Variants in HDAC1 observed in about 807,000 individuals in gnomAD.
HDAC1 encodes histone deacetylase 1.
In HDAC1, 18 loss-of-function variants were observed where a neutral mutation model predicts 65.5. The ratio of observed to expected loss-of-function variants is 0.27; its 90% confidence interval spans 0.19 to 0.41. HDAC1 has a LOEUF of 0.41. HDAC1 is among the 10% of genes least tolerant of loss of function. The pLI is 1.00. For missense variants in HDAC1, 373 were observed against 625.2 expected, an observed-to-expected ratio of 0.60 and a Z score of 4.30; for synonymous variants, 211 against 227.9, an observed-to-expected ratio of 0.93 and a Z score of 0.67.
chr1:32,294,124 C>T (rs1405373502), intron 1 of HDAC1, among the ~76,000 whole-genome samples: 1 of 151,692 alleles, frequency 6.6e-6, no homozygotes, highest in Non-Finnish European at 1.5e-5. Context: ...AGGCATGGAT[C>T]CCAAGTTCCT....
At chr1:32,319,592 T>C (rs1426813464) in intron 3 of HDAC1, among the ~76,000 whole-genome samples, 1 of 152,150 alleles carries the variant, frequency 6.6e-6, no homozygotes, top group East Asian at 1.9e-4. Context: ...CCTTTTAGAA[T>C]ATGTACCAAT....
chr1:32,330,327 G>C lies in HDAC1; in HGVS notation c.730-251G>C. 1 of 467,126 alleles carries C rather than the reference G, an allele frequency of 2.1e-6. No homozygotes were observed. The highest frequency in any genetic ancestry group is 3.9e-6 in the Non-Finnish European group (1 of 254,780). 28.9% of individuals were successfully genotyped at this position (467,126 alleles called of 1,614,324 possible). On this transcript the variant is annotated intron_variant, in intron 7 of 13. Coordinates refer to ENST00000373548, the MANE Select transcript of HDAC1 (RefSeq NM_004964.3). The surrounding 1 kb of genome is among the most constrained non-coding windows in gnomAD (Gnocchi z 4.2). ...GGCAACAGAAGAGACTTAGGGAGTT[G>C]AGAGGGAGGCCATTCTAGGTTCAGT...
At chr1:32,293,604 C>G (rs1282641552) in intron 1 of HDAC1, among the ~76,000 whole-genome samples, 1 of 151,768 alleles carries the variant, frequency 6.6e-6, no homozygotes, top group Non-Finnish European at 1.5e-5. Flanking sequence ...CCCATCTCTA[C>G]TAAAAATACA....
chr1:32,295,653 T>C (rs1640759214), intron 1 of HDAC1, among the ~76,000 whole-genome samples: 1 of 152,184 alleles, frequency 6.6e-6, no homozygotes, highest in African/African-American at 2.4e-5. Flanking sequence ...CCTAAACACC[T>C]CCCAAAAGGC....
chr1:32,316,806 A>G, intron 3 of HDAC1, 24 bp downstream of exon 3: 1 of 1,440,910 alleles, frequency 6.9e-7, no homozygotes, highest in Non-Finnish European at 9.8e-7. Flanking sequence ...GTTCCCTCAC[A>G]CTCTGAAGCC....
intron 1 of HDAC1, among the ~76,000 whole-genome samples, chr1:32,297,979 CGG>C (rs1171133796): frequency 1.3e-5 from 2 of 151,526 alleles, no homozygotes; most frequent in Admixed American, 6.6e-5. Context: ...TTAGTAGAGA[CGG>C]GGTTTCACCG....
At chr1:32,312,375 C>G (rs549402662) in intron 2 of HDAC1, among the ~76,000 whole-genome samples, 1 of 151,550 alleles carries the variant, frequency 6.6e-6, no homozygotes, top group South Asian at 2.1e-4. Flanking sequence ...TTTATTTTTT[C>G]TTTGTGATGT....
intron 2 of HDAC1, among the ~76,000 whole-genome samples, chr1:32,313,474 C>T (rs1641018660): frequency 6.6e-6 from 1 of 152,156 alleles, no homozygotes; most frequent in Admixed American, 6.6e-5. Context: ...TAGGCTCAAG[C>T]GATCCTCCAG....
In HDAC1 at chr1:32,330,095, C is replaced by G. The variant is rs908893916; in HGVS notation, c.730-483C>G. 5 of 164,912 alleles carry G rather than the reference C, an allele frequency of 3.0e-5. No homozygotes were observed. Among genetic ancestry groups the G allele is most frequent in the Non-Finnish European group, 6.7e-5 (5 of 74,772 alleles). 10.2% of individuals were successfully genotyped at this position (164,912 alleles called of 1,614,324 possible). ...GTAGTCATTCAGCAAACACTGACTG[C>G]CCACTATGTGCCTAGTATTTAATAA... On this transcript the variant is annotated intron_variant, in intron 7 of 13. Transcript: ENST00000373548. The surrounding 1 kb of genome is among the most constrained non-coding windows in gnomAD (Gnocchi z 4.2).
intron 6 of HDAC1, among the ~76,000 whole-genome samples, chr1:32,328,380 C>T (rs921226460): frequency 6.6e-6 from 1 of 151,700 alleles, no homozygotes; most frequent in Admixed American, 6.6e-5. Flanking sequence ...GGCGTGATCT[C>T]GGTTCACTGC....
intron 2 of HDAC1, among the ~76,000 whole-genome samples, chr1:32,309,201 TG>T (rs1286626661): frequency 6.6e-6 from 1 of 152,222 alleles, no homozygotes; most frequent in Non-Finnish European, 1.5e-5. Flanking sequence ...AGGTAGAACC[TG>T]CTCCTGGCCT....
intron 1 of HDAC1, 148 bp downstream of exon 1, chr1:32,292,366 C>A: frequency 6.7e-7 from 1 of 1,490,582 alleles, no homozygotes. Flanking sequence ...GAAGTCGAGG[C>A]TGAGGGAGGA....
intron 3 of HDAC1, 132 bp downstream of exon 3, chr1:32,316,914 C>A: frequency 1.5e-6 from 1 of 680,162 alleles, no homozygotes. Context: ...CTAAAGGTGC[C>A]AGAGTGCTTT....
chr1:32,296,869 G>A (rs1268636835), intron 1 of HDAC1, among the ~76,000 whole-genome samples: 2 of 152,192 alleles, frequency 1.3e-5, no homozygotes, highest in South Asian at 2.1e-4. Flanking sequence ...GAGACCAGGG[G>A]AGATGGAAAC....
Position 32,331,736 on chromosome 1 carries a change from G to T in HDAC1, c.1149G>T (p.Ala383=). 6.2e-7 allele frequency: 1 copy of T among 1,614,108 alleles called. No homozygotes were observed. Among genetic ancestry groups the T allele is most frequent in the Non-Finnish European group, 8.5e-7 (1 of 1,179,986 alleles). Residue 383 remains alanine, a synonymous_variant, in exon 11 of 14, where the codon GCG becomes GCT. Coordinates refer to ENST00000373548, the MANE Select transcript of HDAC1 (RefSeq NM_004964.3). The surrounding 1 kb of genome is among the most constrained non-coding windows in gnomAD (Gnocchi z 4.2). ...ACGCACCTGGGGTCCAAATGCAGGC[G>T]ATTCCTGAGGACGCCATCCCTGAGG... ...LPHAPGVQMQ[A]IPEDAIPEES...
chr1:32,303,263 G>A (rs1412085722), intron 2 of HDAC1, among the ~76,000 whole-genome samples: 2 of 152,010 alleles, frequency 1.3e-5, no homozygotes, highest in Non-Finnish European at 2.9e-5. Context: ...CCAGGAGTTC[G>A]AGACCATCCG....
At chr1:32,320,899 C>CAAA (rs1160071616) in intron 3 of HDAC1, among the ~76,000 whole-genome samples, 23 of 23,344 alleles carry the variant, frequency 9.9e-4, no homozygotes, top group East Asian at 1.9e-3. Flanking sequence ...GACTCCATCT[C>CAAA]AAAAAAAAAA....
rs1570040334 is a variant in HDAC1, at chr1:32,329,727, A to C, written c.729+567A>C. On this transcript the variant is annotated intron_variant, in intron 7 of 13. Transcript: ENST00000373548. This position sits in a 1 kb window ranked among gnomAD's most constrained non-coding sequence, Gnocchi z 4.1. ...GTGTTTTTGAGGGATGATCAGAGGA[A>C]TGAGAGACAAACTACTGCCTGGGCT... 6.4e-6 allele frequency: 1 copy of C among 156,076 alleles called. No individual in the cohort carries two copies. The highest frequency in any genetic ancestry group is 1.9e-4 in the South Asian group (1 of 5,162). The allele number at this position is 156,076 out of a possible 1,614,324, so 9.7% of individuals were successfully genotyped here. A position where few individuals can be genotyped will look rare whatever the true frequency, so the allele number is the denominator to read the frequency against.
chr1:32,321,931 G>A (rs1641151728), intron 3 of HDAC1, among the ~76,000 whole-genome samples: 1 of 152,096 alleles, frequency 6.6e-6, no homozygotes, highest in Non-Finnish European at 1.5e-5. Flanking sequence ...GCCTCCCAGT[G>A]TTTACCCAGG....
Sources: gnomAD v4.1 joint callset for allele counts (sites outside exome capture counted in the v4.1 genomes callset) on GRCh38, gnomAD v4.1.1 for gene constraint, Gnocchi (gnomAD v3.1) non-coding constraint, MANE v1.5 for transcripts, NCBI Gene and HGNC (gene_info 2026-07-23, HGNC 2026-07-21) for gene names.